Variants in TDRP observed in about 807,000 individuals in gnomAD.
The protein encoded by TDRP is testis development-related protein.
Under a neutral mutation model 10.5 loss-of-function variants are expected in TDRP, and 12 were observed. That is an observed-to-expected ratio of 1.15 (90% confidence interval 0.73 to 1.86). The LOEUF is 1.86. TDRP is among the 40% of genes most tolerant of loss of function. The pLI, the probability that TDRP is intolerant of heterozygous loss-of-function variation, is 0.00. For synonymous variants in TDRP, 139 were observed against 95.4 expected (o/e 1.46, Z -2.67); for missense variants, 353 against 229.2 (o/e 1.54, Z -3.49).
intron 1 of TDRP, among the ~76,000 whole-genome samples, chr8:512,438 A>T: frequency 6.6e-6 from 1 of 152,172 alleles, no homozygotes; most frequent in East Asian, 1.9e-4. Context: ...TCTCAACAAC[A>T]ATAAAAAAAA....
chr8:491,645 C>T lies in TDRP; in HGVS notation c.*754G>A. 4 of 1,530,628 alleles carry T rather than the reference C, an allele frequency of 2.6e-6. No homozygotes were observed. Among genetic ancestry groups the T allele is most frequent in the Non-Finnish European group, 3.5e-6 (4 of 1,145,018 alleles). The allele number at this position is 1,530,628 out of a possible 1,614,324, so 94.8% of individuals were successfully genotyped here. A position where few individuals can be genotyped will look rare whatever the true frequency, so the allele number is the denominator to read the frequency against. ...TTTCCTAAATGAAATTATCAACTGACTAAAATTGATCCATACTTCTTTAAT... is the reference window on the plus strand; with the variant it reads ...TTTCCTAAATGAAATTATCAACTGATTAAAATTGATCCATACTTCTTTAAT... On this transcript the variant is annotated 3_prime_UTR_variant, in exon 3 of 3. Transcript: ENST00000324079.
Position 494,590 on chromosome 8 carries a change from C to A in TDRP, c.116G>T (p.Gly39Val), listed in dbSNP as rs1468246882. ...AAAAAQAQVQGASFRGWKEVT... is the reference protein window; with the variant it reads ...AAAAAQAQVQVASFRGWKEVT... The stretch of plus-strand genomic sequence containing the variant: ...TTCTTTCCAACCTCGGAAACTTGCT[C>A]CCTGAACCTAATAAAAGGTTAAGAA... The change falls in exon 2 of 3, where the codon GGA becomes GTA. Residue 39 changes from glycine (G) to valine (V), a missense_variant. Coordinates refer to ENST00000324079, the MANE Select transcript of TDRP (RefSeq NM_001384899.1). The A allele has an allele frequency of 1.9e-6, 3 of 1,613,700 alleles. No homozygotes were observed.
chr8:538,783 G>C (rs1198260997), intron 1 of TDRP, among the ~76,000 whole-genome samples: 3 of 152,192 alleles, frequency 2.0e-5, no homozygotes, highest in Admixed American at 2.0e-4. Flanking sequence ...ATATAAATAA[G>C]AGAAAGGCAA....
intron 2 of TDRP, among the ~76,000 whole-genome samples, chr8:493,735 G>A (rs1200010704): frequency 6.6e-6 from 1 of 152,074 alleles, no homozygotes; most frequent in Non-Finnish European, 1.5e-5. Context: ...CAGTTTACCA[G>A]TCAATCCTTT....
Position 529,291 on chromosome 8 carries a change from G to A in TDRP, c.108+15359C>T, listed in dbSNP as rs553449076. ...ATATACACACCTACTATGATCCCAC[G>A]AAAATTAAAAATTAAAAAACCAAAT... On this transcript the variant is annotated intron_variant, in intron 1 of 2. Coordinates refer to ENST00000324079, the MANE Select transcript of TDRP (RefSeq NM_001384899.1). 1.6e-4 allele frequency among the ~76,000 whole-genome samples: 25 copies of A among 152,044 alleles called. No individual in the cohort carries two copies. The South Asian group carries it at 4.8e-3, about 29-fold the overall frequency.
chr8:491,976 A>G lies in TDRP; in HGVS notation c.*423T>C, dbSNP rs1011103804. 1.8e-6 allele frequency: 2 copies of G among 1,117,776 alleles called. No homozygotes were observed. The highest frequency in any genetic ancestry group is 4.8e-5 in the Admixed American group (1 of 20,656). The allele number at this position is 1,117,776 out of a possible 1,614,324, so 69.2% of individuals were successfully genotyped here. On this transcript the variant is annotated 3_prime_UTR_variant, in exon 3 of 3. Coordinates refer to ENST00000324079, the MANE Select transcript of TDRP (RefSeq NM_001384899.1). ...CATCTTACCTCCTGACTAATTTTCTAGCAAAAGAAAAGAACTGCATGACAG... is the reference window on the plus strand; with the variant it reads ...CATCTTACCTCCTGACTAATTTTCTGGCAAAAGAAAAGAACTGCATGACAG...
chr8:515,920 T>C (rs1026798180), intron 1 of TDRP, among the ~76,000 whole-genome samples: 2 of 151,372 alleles, frequency 1.3e-5, no homozygotes, highest in Non-Finnish European at 3.0e-5. Flanking sequence ...ATAAAAGAAA[T>C]AAAAAATAAA....
chr8:544,928 AGGCCCGCCCCAAACCCTCCCCAGGACCC>A (rs1194550438), upstream of TDRP: 38 of 243,216 alleles, frequency 1.6e-4, no homozygotes, highest in Non-Finnish European at 2.2e-4. Context: ...CCTCCCCACC[AGGCCCGCCCCAAACCCTCCCCAGGACCC>A]GGCCCGCCCC....
At chr8:517,165 G>A (rs1277072536) in intron 1 of TDRP, among the ~76,000 whole-genome samples, 2 of 152,166 alleles carry the variant, frequency 1.3e-5, no homozygotes, top group Non-Finnish European at 2.9e-5. Flanking sequence ...AAGACTGACA[G>A]AAGGGACTCT....
intron 1 of TDRP, among the ~76,000 whole-genome samples, chr8:517,204 C>T (rs570640857): frequency 6.6e-6 from 1 of 152,160 alleles, no homozygotes; most frequent in Admixed American, 6.5e-5. Flanking sequence ...AAATTCCAAC[C>T]TAACTCTGGT....
chr8:522,523 T>C (rs1801932816), intron 1 of TDRP, among the ~76,000 whole-genome samples: 1 of 152,224 alleles, frequency 6.6e-6, no homozygotes, highest in African/African-American at 2.4e-5. Flanking sequence ...TAAAACATGT[T>C]GTTCCTTGAA....
intron 1 of TDRP, among the ~76,000 whole-genome samples, chr8:509,240 CT>C (rs775768262): frequency 7.9e-5 from 12 of 152,274 alleles, no homozygotes; most frequent in East Asian, 1.9e-4. Flanking sequence ...GATGGTGGCC[CT>C]TTTTTCACAG....
At chr8:516,911 T>G (rs1463062949) in intron 1 of TDRP, among the ~76,000 whole-genome samples, 2 of 152,184 alleles carry the variant, frequency 1.3e-5, no homozygotes, top group South Asian at 2.1e-4. Flanking sequence ...GATGATAGAA[T>G]ACTATTCAGT....
intron 1 of TDRP, among the ~76,000 whole-genome samples, chr8:509,930 G>A (rs771550168): frequency 9.8e-5 from 15 of 152,308 alleles, no homozygotes; most frequent in Middle Eastern, 3.4e-3. Context: ...GCTGGGAACT[G>A]CTTGGGGCAA....
intron 1 of TDRP, among the ~76,000 whole-genome samples, chr8:541,358 T>C (rs550861159): frequency 2.6e-5 from 4 of 152,228 alleles, no homozygotes; most frequent in Non-Finnish European, 4.4e-5. Context: ...GGTACAGTGA[T>C]GGCTTTTTCA....
chr8:517,385 C>T (rs1032374134), intron 1 of TDRP, among the ~76,000 whole-genome samples: 2 of 152,180 alleles, frequency 1.3e-5, no homozygotes, highest in Non-Finnish European at 2.9e-5. Flanking sequence ...AGAGATTAAA[C>T]GAAGCATCTG....
intron 1 of TDRP, among the ~76,000 whole-genome samples, chr8:516,934 T>C (rs960966826): frequency 6.6e-6 from 1 of 152,084 alleles, no homozygotes; most frequent in African/African-American, 2.4e-5. Flanking sequence ...TAAAAAGAAA[T>C]GCACTATCAA....
At chr8:543,947 G>T (rs1275055692) in intron 1 of TDRP, among the ~76,000 whole-genome samples, 2 of 123,740 alleles carry the variant, frequency 1.6e-5, no homozygotes, top group Non-Finnish European at 3.4e-5. Flanking sequence ...AGGGGGTGGG[G>T]GAGGGCACGT....
chr8:518,342 A>C (rs1239064937), intron 1 of TDRP, among the ~76,000 whole-genome samples: 2 of 152,214 alleles, frequency 1.3e-5, no homozygotes, highest in Non-Finnish European at 2.9e-5. Flanking sequence ...TCAATAACAC[A>C]CACAACAAAG....
Sources: allele counts gnomAD v4.1 joint callset (sites outside exome capture counted in the v4.1 genomes callset), GRCh38; gene constraint gnomAD v4.1.1; transcripts MANE v1.5; gene names NCBI Gene and HGNC (gene_info 2026-07-23, HGNC 2026-07-21).